Variants in TRIM11 observed in about 807,000 individuals in gnomAD.
The protein encoded by TRIM11 is E3 ubiquitin-protein ligase TRIM11.
TRIM11 carries 15 observed loss-of-function variants against 33.4 expected under a neutral mutation model. The ratio of observed to expected loss-of-function variants is 0.45; its 90% confidence interval spans 0.30 to 0.69. TRIM11 has a LOEUF of 0.69. TRIM11 is among the 30% of genes least tolerant of loss of function. The pLI, the probability that TRIM11 is intolerant of heterozygous loss-of-function variation, is 0.08. For synonymous variants in TRIM11, 281 were observed against 302.6 expected, an observed-to-expected ratio of 0.93 and a Z score of 0.74; for missense variants, 499 against 667.6, an observed-to-expected ratio of 0.75 and a Z score of 2.78.
Position 228,395,020 on chromosome 1 carries a change from G to C in TRIM11, c.1092C>G (p.Asn364Lys), listed in dbSNP as rs1433726306. 3.1e-6 allele frequency: 5 copies of C among 1,613,970 alleles called. No individual in the cohort carries two copies. Among genetic ancestry groups the C allele is most frequent in the Non-Finnish European group, 4.2e-6 (5 of 1,180,008 alleles). ...WALGVCRENV[N>K]RKEKGELSAG... ...CGGACAGCTCGCCCTTCTCCTTCCTGTTCACGTTCTCCCTGCACACCCCCA... is the reference window on the plus strand; with the variant it reads ...CGGACAGCTCGCCCTTCTCCTTCCTCTTCACGTTCTCCCTGCACACCCCCA... The change falls in exon 6 of 6, where the codon AAC becomes AAG. Residue 364 changes from asparagine (N) to lysine (K), a missense_variant. Transcript: ENST00000284551. This position sits in a 1 kb window ranked among gnomAD's most constrained non-coding sequence, Gnocchi z 4.8.
chr1:228,399,891 C>CAAAAAAAA (rs58986540), intron 3 of TRIM11, among the ~76,000 whole-genome samples: 1 of 92,752 alleles, frequency 1.1e-5, no homozygotes, highest in Non-Finnish European at 2.4e-5. Flanking sequence ...AAAAAAAAAA[C>CAAAAAAAA]AAAAAAAAAA....
chr1:228,405,102 G>A (rs979510022), intron 1 of TRIM11: 2 of 152,236 alleles, frequency 1.3e-5, no homozygotes, highest in Admixed American at 6.5e-5. Context: ...GTGTCACAAG[G>A]GTAATTCTGC....
Position 228,401,708 on chromosome 1 carries a change from C to A in TRIM11, c.504+358G>T, listed in dbSNP as rs1412425914. Among the ~76,000 whole-genome samples, 3 of 152,102 alleles carry A rather than the reference C, an allele frequency of 2.0e-5. No homozygotes were observed. Among genetic ancestry groups the A allele is most frequent in the Non-Finnish European group, 4.4e-5 (3 of 68,012 alleles). ...AAATCTACCCCAGAACTGGACAGAT[C>A]CCAAATCTACTCCTCAGGATGGCTG... On this transcript the variant is annotated intron_variant, in intron 2 of 5. Coordinates refer to ENST00000284551, the MANE Select transcript of TRIM11 (RefSeq NM_145214.3). The surrounding 1 kb of genome is among the most constrained non-coding windows in gnomAD (Gnocchi z 6.1).
chr1:228,399,890 AC>A (rs1467803958), intron 3 of TRIM11, among the ~76,000 whole-genome samples: 26 of 126,424 alleles, frequency 2.1e-4, no homozygotes, highest in African/African-American at 7.4e-4. Context: ...AAAAAAAAAA[AC>A]AAAAAAAAAA....
intron 5 of TRIM11, chr1:228,396,519 T>G: frequency 1.7e-6 from 1 of 604,634 alleles, no homozygotes; most frequent in South Asian, 2.0e-5. Context: ...TAAAGTGCTC[T>G]TCTGAGTTCC....
At chr1:228,397,547 C>T (rs1210247660) in intron 3 of TRIM11, 1 of 223,190 alleles carries the variant, frequency 4.5e-6, no homozygotes, top group Non-Finnish European at 8.8e-6. Flanking sequence ...GGCACCTCCA[C>T]CCCAGCTGGA....
chr1:228,402,081 G>T lies in TRIM11; in HGVS notation c.489C>A (p.Thr163=). ...CAGCACCTGCCTGCCACAAGACGCAGGTCTCATCCGCCTGGGCTTGGAACA... is the reference window on the plus strand; with the variant it reads ...CAGCACCTGCCTGCCACAAGACGCATGTCTCATCCGCCTGGGCTTGGAACA... ...ALLFQAQADE[T]CVLWQKMVES... Residue 163 remains threonine, a synonymous_variant, in exon 2 of 6, where the codon ACC becomes ACA. Coordinates refer to ENST00000284551, the MANE Select transcript of TRIM11 (RefSeq NM_145214.3). 6.2e-7 allele frequency: 1 copy of T among 1,612,820 alleles called. No individual in the cohort carries two copies. The highest frequency in any genetic ancestry group is 1.3e-5 in the African/African-American group (1 of 75,010).
At position 228,406,275 on chromosome 1, in the gene TRIM11, C is replaced by T. The variant is rs1656413721; in HGVS notation, c.287G>A (p.Arg96His). The T allele has an allele frequency of 4.0e-6, 6 of 1,493,432 alleles. No homozygotes were observed. Among genetic ancestry groups the T allele is most frequent in the Non-Finnish European group, 5.3e-6 (6 of 1,128,152 alleles). The allele number at this position is 1,493,432 out of a possible 1,614,324, so 92.5% of individuals were successfully genotyped here. A position where few individuals can be genotyped will look rare whatever the true frequency, so the allele number is the denominator to read the frequency against. The change falls in exon 1 of 6, where the codon CGC (arginine) becomes CAC (histidine). Residue 96 changes from arginine (R) to histidine (H), a missense_variant. Transcript: ENST00000284551. The surrounding 1 kb of genome is among the most constrained non-coding windows in gnomAD (Gnocchi z 8.2). ...GCCACAGAAGGCGGCCAGTGGCTCGCGGTGCGCGGGGCACACGCCCTGCGG... is the reference window on the plus strand; with the variant it reads ...GCCACAGAAGGCGGCCAGTGGCTCGTGGTGCGCGGGGCACACGCCCTGCGG... The part of the protein sequence containing the change: ...PVPQGVCPAH[R>H]EPLAAFCGDE...
chr1:228,406,082 C>CA lies in TRIM11; in HGVS notation c.408+71_408+72insT. 567 of 1,269,156 alleles carry CA rather than the reference C, an allele frequency of 4.5e-4. No individual in the cohort carries two copies. Among genetic ancestry groups the CA allele is most frequent in the Non-Finnish European group, 5.3e-4 (525 of 988,800 alleles). The allele number at this position is 1,269,156 out of a possible 1,614,324, so 78.6% of individuals were successfully genotyped here. The stretch of plus-strand genomic sequence containing the variant: ...TTACTCCCGGAGCAGTCCCCCAAAC[C>CA]TCCCACCCGCCCAGGCCTCCCCAGT... On this transcript the variant is annotated intron_variant, in intron 1 of 5. Transcript: ENST00000284551. This position sits in a 1 kb window ranked among gnomAD's most constrained non-coding sequence, Gnocchi z 8.2.
In TRIM11 at chr1:228,394,529, A is replaced by C; in HGVS notation, c.*176T>G. The C allele has an allele frequency of 2.7e-6, 2 of 737,336 alleles. No individual in the cohort carries two copies. The highest frequency in any genetic ancestry group is 3.0e-5 in the Admixed American group (1 of 32,800). 45.7% of individuals were successfully genotyped at this position (737,336 alleles called of 1,614,324 possible). ...GACGGAGCCTGCCCCACACTCTCCC[A>C]CAGTTTCCTGGAGTGCTAGAATTGG... On this transcript the variant is annotated 3_prime_UTR_variant, in exon 6 of 6. Transcript: ENST00000284551. The surrounding 1 kb of genome is among the most constrained non-coding windows in gnomAD (Gnocchi z 6.2).
intron 1 of TRIM11, chr1:228,405,882 G>C (rs1656391418): frequency 5.1e-6 from 2 of 395,130 alleles, no homozygotes; most frequent in Admixed American, 4.6e-5. Context: ...CTATCTATGA[G>C]AGGTACGCCC....
intron 2 of TRIM11, 65 bp downstream of exon 2, chr1:228,402,001 G>A (rs1656249881): frequency 7.4e-7 from 1 of 1,357,500 alleles, no homozygotes; most frequent in Non-Finnish European, 1.0e-6. Flanking sequence ...GCCCCCTGGG[G>A]TCTCCTATAC....
Position 228,402,047 on chromosome 1 carries a change from TGGGA to T in TRIM11, c.504+15_504+18del. 6.8e-6 allele frequency: 11 copies of T among 1,606,818 alleles called. No homozygotes were observed. Among genetic ancestry groups the T allele is most frequent in the Non-Finnish European group, 9.4e-6 (11 of 1,175,900 alleles). ...CCCCCTACCCTGCCACCCAGGACCC[TGGGA>T]GCCCCAGCACCTGCCTGCCACAAGA... On this transcript the variant is annotated intron_variant, in intron 2 of 5. Transcript: ENST00000284551.
rs1656421821 is a variant in TRIM11, at chr1:228,406,474, C to A, written c.88G>T (p.Asp30Tyr). The change falls in exon 1 of 6, where the codon GAC (aspartate) becomes TAC (tyrosine). Residue 30 changes from aspartate (D) to tyrosine (Y), a missense_variant. Physicochemically the swap from Asp to Tyr is radical, Grantham distance 160 (BLOSUM62 -3). Coordinates refer to ENST00000284551, the MANE Select transcript of TRIM11 (RefSeq NM_145214.3). The surrounding 1 kb of genome is among the most constrained non-coding windows in gnomAD (Gnocchi z 8.2). ...LDYFTDPVMTDCGHNFCRECI... is the reference protein window; with the variant it reads ...LDYFTDPVMTYCGHNFCRECI... Reference sequence around the variant, plus strand: ...TCGCGGCAGAAGTTGTGGCCGCAGTCGGTCATCACCGGATCCGTGAAGTAG... The same window carrying A: ...TCGCGGCAGAAGTTGTGGCCGCAGTAGGTCATCACCGGATCCGTGAAGTAG... 1 of 1,590,260 alleles carries A rather than the reference C, an allele frequency of 6.3e-7. No individual in the cohort carries two copies. The highest frequency in any genetic ancestry group is 1.4e-5 in the African/African-American group (1 of 72,396).
chr1:228,395,035 G>C lies in TRIM11; in HGVS notation c.1077C>G (p.Cys359Trp). 1 of 1,613,830 alleles carries C rather than the reference G, an allele frequency of 6.2e-7. No individual in the cohort carries two copies. Among genetic ancestry groups the C allele is most frequent in the Non-Finnish European group, 8.5e-7 (1 of 1,179,894 alleles). Residue 359 changes from cysteine to tryptophan, a missense_variant, in exon 6 of 6, where the codon TGC becomes TGG. Transcript: ENST00000284551. This position sits in a 1 kb window ranked among gnomAD's most constrained non-coding sequence, Gnocchi z 4.8. Reference protein sequence around the residue: ...GDRTSWALGVCRENVNRKEKG... With the variant: ...GDRTSWALGVWRENVNRKEKG... ...TCTCCTTCCTGTTCACGTTCTCCCT[G>C]CACACCCCCAGGGCCCAGCTGGTGC...
At chr1:228,402,185 C>A in intron 1 of TRIM11, 24 bp from the exon 2 acceptor site, 2 of 1,580,508 alleles carry the variant, frequency 1.3e-6, no homozygotes, top group South Asian at 1.1e-5. Context: ...CAGGCAGGAC[C>A]ATGAGACATG....
intron 1 of TRIM11, 192 bp downstream of exon 1, chr1:228,405,962 T>C: frequency 1.8e-6 from 1 of 547,582 alleles, no homozygotes; most frequent in Non-Finnish European, 2.8e-6. Flanking sequence ...TGAAACAGGC[T>C]GTGTCATGAG....
chr1:228,396,381 G>C, intron 5 of TRIM11: 1 of 461,598 alleles, frequency 2.2e-6, no homozygotes, highest in Non-Finnish European at 3.9e-6. Flanking sequence ...TGAGCACACT[G>C]AGGTGCTGGG....
chr1:228,406,490 C>G lies in TRIM11; in HGVS notation c.72G>C (p.Thr24=). ...GGCCGCAGTCGGTCATCACCGGATC[C>G]GTGAAGTAGTCGAGGCAGATGGCGC... ...ATCAICLDYF[T]DPVMTDCGHN... Residue 24 remains threonine, a synonymous_variant, in exon 1 of 6, where the codon ACG becomes ACC. Coordinates refer to ENST00000284551, the MANE Select transcript of TRIM11 (RefSeq NM_145214.3). This position sits in a 1 kb window ranked among gnomAD's most constrained non-coding sequence, Gnocchi z 8.2. 1 of 1,588,280 alleles carries G rather than the reference C, an allele frequency of 6.3e-7. No homozygotes were observed. The highest frequency in any genetic ancestry group is 8.5e-7 in the Non-Finnish European group (1 of 1,170,160).
Sources: allele counts gnomAD v4.1 joint callset (sites outside exome capture counted in the v4.1 genomes callset), GRCh38; gene constraint gnomAD v4.1.1; non-coding constraint Gnocchi (gnomAD v3.1); transcripts MANE v1.5; gene names NCBI Gene and HGNC (gene_info 2026-07-23, HGNC 2026-07-21).